Variants in APBA1 observed in about 807,000 individuals in gnomAD.
APBA1 encodes amyloid beta precursor protein binding family A member 1, also known as amyloid-beta A4 precursor protein-binding family A member 1.
APBA1 carries 55 observed loss-of-function variants against 86.6 expected under a neutral mutation model. That is an observed-to-expected ratio of 0.64 (90% confidence interval 0.51 to 0.80). APBA1 has a LOEUF of 0.80. Among genes scored for constraint, APBA1 ranks in the 30% least tolerant of loss-of-function variants. APBA1 has a pLI of 0.00. For missense variants in APBA1, 1,090 were observed against 1,183.0 expected (o/e 0.92, Z 1.15); for synonymous variants, 511 against 493.9 (o/e 1.03, Z -0.46).
intron 1 of APBA1, among the ~76,000 whole-genome samples, chr9:69,558,561 C>CACATATATAT (rs1554701130): frequency 1.4e-4 from 20 of 142,856 alleles, no homozygotes; most frequent in African/African-American, 5.3e-4. Flanking sequence ...CACACACACA[C>CACATATATAT]ATATATATAT....
intron 1 of APBA1, among the ~76,000 whole-genome samples, chr9:69,546,204 T>C (rs906641858): frequency 1.3e-5 from 2 of 152,240 alleles, no homozygotes; most frequent in Admixed American, 6.5e-5. Flanking sequence ...AATCAGCATT[T>C]TGCCTTTCAG....
At chr9:69,531,624 C>G (rs1208500152) in intron 1 of APBA1, among the ~76,000 whole-genome samples, 1 of 152,204 alleles carries the variant, frequency 6.6e-6, no homozygotes, top group Non-Finnish European at 1.5e-5. Context: ...AGCTCACCCA[C>G]TGCCCCTGCC....
chr9:69,441,060 G>T lies in APBA1; in HGVS notation c.2237C>A (p.Thr746Asn). Residue 746 changes from threonine (T) to asparagine (N), a missense_variant, in exon 11 of 13, where the codon ACC (threonine) becomes AAC (asparagine). This residue lies in a region of APBA1 where 119 missense variants were observed against 124.8 expected (regional missense o/e 0.95). Coordinates refer to ENST00000265381, the MANE Select transcript of APBA1 (RefSeq NM_001163.4). ...KLNIVRCPPV[T>N]TVLIRRPDLR... ...GTCTGGTCTTCTGATTAACACGGTG[G>T]TCACCGGAGGACATCTCACGATATT... is the stretch of plus-strand genomic sequence containing the variant. The T allele has an allele frequency of 6.2e-7, 1 of 1,614,098 alleles. No individual in the cohort carries two copies. The highest frequency in any genetic ancestry group is 8.5e-7 in the Non-Finnish European group (1 of 1,180,036).
intron 1 of APBA1, among the ~76,000 whole-genome samples, chr9:69,565,283 G>T (rs771120960): frequency 6.6e-6 from 1 of 152,090 alleles, no homozygotes; most frequent in Non-Finnish European, 1.5e-5. Flanking sequence ...AAGCCTTGGT[G>T]TAGGTGCGGA....
intron 10 of APBA1, among the ~76,000 whole-genome samples, chr9:69,447,373 C>T (rs554873907): frequency 6.6e-6 from 1 of 152,334 alleles, no homozygotes; most frequent in African/African-American, 2.4e-5. Flanking sequence ...CTCTCTCTTG[C>T]ATCTGAACTC....
chr9:69,621,381 G>A (rs1198585734), intron 1 of APBA1, among the ~76,000 whole-genome samples: 1 of 152,114 alleles, frequency 6.6e-6, no homozygotes, highest in Non-Finnish European at 1.5e-5. Context: ...GCCTCTCTGT[G>A]GCCCTATGTT....
rs1039723330 is a variant in APBA1, at chr9:69,457,263, T to C, written c.1516-124A>G. The C allele has an allele frequency of 4.3e-6, 3 of 699,774 alleles. No homozygotes were observed. In the African/African-American group the frequency reaches 5.2e-5, roughly 12 times the overall value. 43.3% of individuals were successfully genotyped at this position (699,774 alleles called of 1,614,324 possible). ...GTCACCAGAACAGCAATACAGACTC[T>C]AGGGTTAAACTGCCAAAGCTGAAGT... On this transcript the variant is annotated intron_variant, in intron 6 of 12. Coordinates refer to ENST00000265381, the MANE Select transcript of APBA1 (RefSeq NM_001163.4).
chr9:69,460,675 G>C (rs889706029), intron 5 of APBA1: 5 of 150,664 alleles, frequency 3.3e-5, no homozygotes, highest in Admixed American at 6.6e-5. Context: ...TTTTTTCTGG[G>C]ACTGGTGTTG....
At chr9:69,599,700 G>T (rs2133972406) in intron 1 of APBA1, among the ~76,000 whole-genome samples, 1 of 152,316 alleles carries the variant, frequency 6.6e-6, no homozygotes, top group South Asian at 2.1e-4. Context: ...TGTTGAAAGT[G>T]TGAATTCTCA....
intron 1 of APBA1, among the ~76,000 whole-genome samples, chr9:69,606,385 G>C (rs1822472405): frequency 6.6e-6 from 1 of 150,762 alleles, no homozygotes. Context: ...AACTTTACGA[G>C]GTAGGCTTTA....
intron 1 of APBA1, among the ~76,000 whole-genome samples, chr9:69,629,578 G>A (rs1822997522): frequency 6.6e-6 from 1 of 152,212 alleles, no homozygotes; most frequent in Non-Finnish European, 1.5e-5. Context: ...GCATGGCAAA[G>A]GTCTGGAAAC....
intron 1 of APBA1, among the ~76,000 whole-genome samples, chr9:69,619,395 C>T (rs75975735): frequency 0.039 from 5,992 of 152,232 alleles, 134 homozygotes; most frequent in African/African-American, 0.06. Context: ...TTTGCTATTT[C>T]GGCCCTACTA....
rs376208155 is a variant in APBA1 at position 69,489,882 on chromosome 9, A to G, written c.1201-13739T>C. On this transcript the variant is annotated intron_variant, in intron 2 of 12. Coordinates refer to ENST00000265381, the MANE Select transcript of APBA1 (RefSeq NM_001163.4). ...ACACTTTTACACTGTTGGTGGGACT[A>G]TAAACTAGTTCAACCCTTGTGGAAG... Among the ~76,000 whole-genome samples, 8 of 152,272 alleles carry G rather than the reference A, an allele frequency of 5.3e-5. No homozygotes were observed. In the East Asian group the frequency reaches 7.7e-4, roughly 15 times the overall value.
chr9:69,458,280 G>T, intron 5 of APBA1, 92 bp from the exon 6 acceptor site: 1 of 1,176,608 alleles, frequency 8.5e-7, no homozygotes, highest in Non-Finnish European at 1.2e-6. Flanking sequence ...AACTAATACT[G>T]AATAGTGGCA....
chr9:69,481,726 C>T (rs1345847393), intron 2 of APBA1, among the ~76,000 whole-genome samples: 2 of 150,528 alleles, frequency 1.3e-5, no homozygotes, highest in African/African-American at 4.9e-5. Context: ...AACTATACTA[C>T]AAGGCTACAG....
intron 1 of APBA1, among the ~76,000 whole-genome samples, chr9:69,548,827 C>G (rs1278439152): frequency 6.6e-6 from 1 of 152,224 alleles, no homozygotes; most frequent in Non-Finnish European, 1.5e-5. Context: ...CCCCACAAAG[C>G]CCCTTTGTTC....
intron 1 of APBA1, among the ~76,000 whole-genome samples, chr9:69,576,992 C>T (rs1821814785): frequency 6.6e-6 from 1 of 151,236 alleles, no homozygotes; most frequent in Middle Eastern, 3.4e-3. Flanking sequence ...TTTTTGATTT[C>T]ACTTTCTAAA....
intron 1 of APBA1, among the ~76,000 whole-genome samples, chr9:69,576,600 G>C (rs1258783250): frequency 1.3e-5 from 2 of 151,966 alleles, no homozygotes; most frequent in South Asian, 2.1e-4. Context: ...GCAAACTATC[G>C]CAAGGACAAA....
intron 10 of APBA1, among the ~76,000 whole-genome samples, chr9:69,444,104 T>G (rs1441601955): frequency 6.6e-6 from 1 of 152,154 alleles, no homozygotes; most frequent in African/African-American, 2.4e-5. Flanking sequence ...GTGCTCTGAA[T>G]TCCTCTGCTT....
Sources: allele counts gnomAD v4.1 joint callset (sites outside exome capture counted in the v4.1 genomes callset), GRCh38; gene constraint gnomAD v4.1.1; regional missense constraint gnomAD v4.1.1; transcripts MANE v1.5; gene names NCBI Gene and HGNC (gene_info 2026-07-23, HGNC 2026-07-21).